Variants in PDXDC1 observed in about 807,000 individuals in gnomAD.
PDXDC1 encodes pyridoxal-dependent decarboxylase domain-containing protein 1.
In PDXDC1, 42 loss-of-function variants were observed where a neutral mutation model predicts 100.1. That is an observed-to-expected ratio of 0.42 (90% CI 0.33 to 0.54). The LOEUF (loss-of-function observed/expected upper bound fraction) is 0.54. Among genes scored for constraint, PDXDC1 ranks in the 20% least tolerant of loss-of-function variants. The probability of loss-of-function intolerance (pLI) is 0.10; values close to 1 mark genes in which losing one functional copy is unlikely to be tolerated. For missense variants in PDXDC1, 636 were observed against 979.2 expected (o/e 0.65, Z 4.68); for synonymous variants, 260 against 371.7 (o/e 0.70, Z 3.46).
intron 16 of PDXDC1, chr16:15,125,480 G>A (rs2047659458): frequency 3.8e-6 from 4 of 1,053,690 alleles, no homozygotes; most frequent in East Asian, 2.4e-5. Flanking sequence ...AGGACACGCA[G>A]CCCGCACACC....
chr16:14,993,375 G>A lies in PDXDC1; in HGVS notation c.22-4378G>A, dbSNP rs1374430953. Among the ~76,000 whole-genome samples, 4 of 145,978 alleles carry A rather than the reference G, an allele frequency of 2.7e-5. No individual in the cohort carries two copies. In the Admixed American group the frequency reaches 2.9e-4, roughly 11 times the overall value. The stretch of plus-strand genomic sequence containing the variant: ...TTCTCATTGTTCATTTCCCACCTAT[G>A]AGTGAGAACACGCGGTGTTTGGTGT... On this transcript the variant is annotated intron_variant, in intron 1 of 22. Transcript: ENST00000396410.
chr16:15,093,193 C>T (rs879354707), intron 16 of PDXDC1, among the ~76,000 whole-genome samples: 2 of 152,102 alleles, frequency 1.3e-5, no homozygotes, highest in Non-Finnish European at 2.9e-5. Context: ...TCAGTAGAGA[C>T]GAGGTTTCGC....
downstream of PDXDC1, chr16:15,041,004 T>C: frequency 8.8e-7 from 1 of 1,135,952 alleles, no homozygotes; most frequent in South Asian, 1.2e-5. Context: ...ATTGGTTTGC[T>C]GAATTAGACT....
intron 16 of PDXDC1, among the ~76,000 whole-genome samples, chr16:15,100,404 A>C (rs2046499065): frequency 6.6e-6 from 1 of 152,204 alleles, no homozygotes; most frequent in Non-Finnish European, 1.5e-5. Context: ...CATTATCCTC[A>C]AAGACAACTA....
intron 16 of PDXDC1, chr16:15,137,512 G>A (rs2048386201): frequency 8.6e-7 from 1 of 1,157,220 alleles, no homozygotes; most frequent in Admixed American, 2.0e-5. Context: ...CTGAGCTGTT[G>A]TCAGGGAGGC....
chr16:15,149,606 C>T, the PDXDC1 span, among the ~76,000 whole-genome samples: 1 of 152,226 alleles, frequency 6.6e-6, no homozygotes, highest in Non-Finnish European at 1.5e-5. Flanking sequence ...TACACTCTCC[C>T]ACACTCTCCT....
At chr16:15,110,490 T>G (rs777321823) in intron 16 of PDXDC1, 3 of 1,587,646 alleles carry the variant, frequency 1.9e-6, no homozygotes, top group Non-Finnish European at 2.6e-6. Flanking sequence ...ATCTTACGGA[T>G]TTTAGCTCGA....
intron 16 of PDXDC1, among the ~76,000 whole-genome samples, chr16:15,095,413 T>G (rs1042430417): frequency 1.3e-5 from 2 of 151,962 alleles, no homozygotes; most frequent in African/African-American, 4.8e-5. Flanking sequence ...TAATAAAAAT[T>G]ATCTGGGTGT....
At chr16:15,000,756 GT>G (rs1489884382) in intron 3 of PDXDC1, among the ~76,000 whole-genome samples, 1 of 152,116 alleles carries the variant, frequency 6.6e-6, no homozygotes, top group Non-Finnish European at 1.5e-5. Flanking sequence ...GGAAGAGCTG[GT>G]AATAAATGAA....
rs563625572 is a variant in PDXDC1 at position 15,100,919 on chromosome 16, G to A, written c.1400-37960G>A. On this transcript the variant is annotated intron_variant, in intron 16 of 16. Coordinates refer to the PDXDC1 transcript ENST00000535621. ...GAGGATCAATTGAGCCCAGGAGGTCGAGACTGCAGTGAGCTATGATCTCCC... is the reference window on the plus strand; with the variant it reads ...GAGGATCAATTGAGCCCAGGAGGTCAAGACTGCAGTGAGCTATGATCTCCC... Among the ~76,000 whole-genome samples, 33 of 152,264 alleles carry A rather than the reference G, an allele frequency of 2.2e-4. 1 individual carries two copies. Among genetic ancestry groups the A allele is most frequent in the African/African-American group, 7.2e-4 (30 of 41,552 alleles).
downstream of PDXDC1, chr16:15,038,459 A>AG (rs2043647082): frequency 3.0e-6 from 2 of 667,134 alleles, no homozygotes; most frequent in African/African-American, 1.8e-5. Flanking sequence ...GCATCCAAAA[A>AG]GTTACTACCC....
rs981734456 is a variant in PDXDC1, at chr16:15,037,839, TAA to T, written c.*1565_*1566del. On this transcript the variant is annotated 3_prime_UTR_variant, in exon 23 of 23. Coordinates refer to ENST00000396410, the MANE Select transcript of PDXDC1 (RefSeq NM_015027.4). ...ATCAATTTTTTAGTAAACCAAAAAA[TAA>T]GTCTCAACAAATGCCTTTGCCAAAA... 2.1e-6 allele frequency: 1 copy of T among 481,336 alleles called. No individual in the cohort carries two copies. Among genetic ancestry groups the T allele is most frequent in the African/African-American group, 2.0e-5 (1 of 51,036 alleles). The allele number at this position is 481,336 out of a possible 1,614,324, so 29.8% of individuals were successfully genotyped here.
intron 16 of PDXDC1, among the ~76,000 whole-genome samples, chr16:15,067,073 G>A (rs1178152807): frequency 2.1e-5 from 3 of 143,428 alleles, no homozygotes; most frequent in African/African-American, 5.0e-5. Context: ...CCCACTCACT[G>A]CCGTTGCTTA....
At chr16:15,026,528 A>G (rs748321227) in intron 13 of PDXDC1, 115 bp from the exon 14 acceptor site, 61 of 854,984 alleles carry the variant, frequency 7.1e-5, no homozygotes, top group Non-Finnish European at 1.0e-4. Context: ...TGAACTTTTT[A>G]GTGTGTTTAT....
chr16:15,144,035 G>C (rs1364528748), downstream of PDXDC1, among the ~76,000 whole-genome samples: 1 of 152,186 alleles, frequency 6.6e-6, no homozygotes, highest in African/African-American at 2.4e-5. Flanking sequence ...CCCTCGGCAG[G>C]GGCAGGACAG....
intron 16 of PDXDC1, among the ~76,000 whole-genome samples, chr16:15,100,521 G>C (rs760325596): frequency 2.0e-5 from 3 of 152,178 alleles, no homozygotes; most frequent in Non-Finnish European, 2.9e-5. Context: ...GTTGGGTGGG[G>C]AGGAGGCTGT....
intron 1 of PDXDC1, among the ~76,000 whole-genome samples, chr16:14,983,704 A>G (rs1968556460): frequency 6.6e-6 from 1 of 152,176 alleles, no homozygotes; most frequent in African/African-American, 2.4e-5. Context: ...TACCACCTAT[A>G]CTATTATTTG....
At chr16:15,096,734 G>T (rs1054231605) in intron 16 of PDXDC1, among the ~76,000 whole-genome samples, 2 of 152,256 alleles carry the variant, frequency 1.3e-5, no homozygotes, top group African/African-American at 4.8e-5. Context: ...CCAAGTTAGA[G>T]CGCAATGGCG....
In PDXDC1 at chr16:15,095,201, C is replaced by A. The variant is rs797020189; in HGVS notation, c.1400-43678C>A. 4.6e-5 allele frequency among the ~76,000 whole-genome samples: 7 copies of A among 152,118 alleles called. No homozygotes were observed. The South Asian group carries it at 1.0e-3, about 23-fold the overall frequency. On this transcript the variant is annotated intron_variant, in intron 16 of 16. Coordinates refer to the PDXDC1 transcript ENST00000535621. ...ACCAACAAAAGAGCCACTGGCGTTCCAAGCATAGGAAACGGAGGAAACAGA... is the reference window on the plus strand; with the variant it reads ...ACCAACAAAAGAGCCACTGGCGTTCAAAGCATAGGAAACGGAGGAAACAGA...
Sources: allele counts gnomAD v4.1 joint callset (sites outside exome capture counted in the v4.1 genomes callset), GRCh38; gene constraint gnomAD v4.1.1; transcripts MANE v1.5; gene names NCBI Gene and HGNC (gene_info 2026-07-23, HGNC 2026-07-21).